Variants in DOCK4 observed in about 807,000 individuals in gnomAD.
DOCK4 encodes the protein dedicator of cytokinesis 4.
Under a neutral mutation model 268.1 loss-of-function variants are expected in DOCK4, and 97 were observed. The ratio of observed to expected loss-of-function variants is 0.36; its 90% CI spans 0.31 to 0.43. DOCK4 has a LOEUF of 0.43. DOCK4 is among the 20% of genes least tolerant of loss of function. The pLI is 1.00. For synonymous variants in DOCK4, 954 were observed against 887.2 expected, an observed-to-expected ratio of 1.08 and a Z score of -1.34; for missense variants, 2,145 against 2,455.7, an observed-to-expected ratio of 0.87 and a Z score of 2.67.
chr7:111,747,829 T>G (rs1796373348), intron 42 of DOCK4, among the ~76,000 whole-genome samples: 1 of 152,114 alleles, frequency 6.6e-6, no homozygotes, highest in African/African-American at 2.4e-5. Flanking sequence ...GCTTATTTGA[T>G]ACAAAGCACC....
At chr7:112,051,668 T>A (rs116465924) in intron 1 of DOCK4, among the ~76,000 whole-genome samples, 2 of 152,040 alleles carry the variant, frequency 1.3e-5, no homozygotes, top group Non-Finnish European at 2.9e-5. Flanking sequence ...GCTGCAAATA[T>A]ATTTTCAATA....
At chr7:111,820,592 A>C (rs1368650193) in intron 27 of DOCK4, 1 of 152,224 alleles carries the variant, frequency 6.6e-6, no homozygotes, top group Non-Finnish European at 1.5e-5. Context: ...AAGTCTTTAA[A>C]ACTGAAGTAA....
At chr7:112,161,250 A>G (rs1343290374) in intron 1 of DOCK4, among the ~76,000 whole-genome samples, 2 of 152,214 alleles carry the variant, frequency 1.3e-5, no homozygotes, top group African/African-American at 4.8e-5. Context: ...AAGTCTGTGG[A>G]CTTGTTTTAA....
rs372597651 is a variant in DOCK4, at chr7:111,778,280, A to C, written c.3675T>G (p.Phe1225Leu). 1.2e-5 allele frequency: 19 copies of C among 1,606,902 alleles called. No individual in the cohort carries two copies. Among genetic ancestry groups the C allele is most frequent in the Non-Finnish European group, 1.5e-5 (18 of 1,173,960 alleles). The change falls in exon 36 of 53, where the codon TTT (phenylalanine) becomes TTG (leucine). Residue 1225 changes from phenylalanine to leucine, a missense_variant. Physicochemically the swap from Phe to Leu is conservative, Grantham distance 22. This residue lies in a region of DOCK4 where 1,598 missense variants were observed against 1,986.7 expected (regional missense o/e 0.80). Coordinates refer to ENST00000428084, the MANE Select transcript of DOCK4 (RefSeq NM_001363540.2). ...LYDLHLKAQN[F>L]TEAAYTLLLY... ...TGAGCCAAAAGACAGAATTACCTGT[A>C]AAGTTCTGTGCTTTGAGATGCAGAT...
At chr7:111,854,240 G>A (rs899154583) in intron 23 of DOCK4, among the ~76,000 whole-genome samples, 1 of 152,194 alleles carries the variant, frequency 6.6e-6, no homozygotes, top group Non-Finnish European at 1.5e-5. Flanking sequence ...CCTGGGCCTG[G>A]TAGTTAAAGA....
chr7:111,741,686 C>G (rs765761389), intron 45 of DOCK4, 25 bp from the exon 46 acceptor site: 3 of 1,608,864 alleles, frequency 1.9e-6, no homozygotes, highest in Non-Finnish European at 2.5e-6. Context: ...AAGGAAATAT[C>G]TCATTACAGT....
At chr7:112,050,422 C>A (rs1446815867) in intron 1 of DOCK4, among the ~76,000 whole-genome samples, 1 of 152,120 alleles carries the variant, frequency 6.6e-6, no homozygotes, top group Admixed American at 6.6e-5. Context: ...ACTTGCCCAA[C>A]AACCTTTTTA....
chr7:111,824,469 C>T (rs962328056), intron 26 of DOCK4, among the ~76,000 whole-genome samples: 2 of 152,002 alleles, frequency 1.3e-5, no homozygotes, highest in African/African-American at 4.8e-5. Flanking sequence ...AGGAACAGTA[C>T]AAATAAATTC....
intron 28 of DOCK4, among the ~76,000 whole-genome samples, chr7:111,810,099 C>T (rs115530583): frequency 0.012 from 1,801 of 151,720 alleles, 35 homozygotes; most frequent in African/African-American, 0.041. Flanking sequence ...ATCTGTTATA[C>T]GTAAATAGCT....
chr7:111,962,855 T>C (rs1288108986), intron 8 of DOCK4, among the ~76,000 whole-genome samples: 1 of 152,226 alleles, frequency 6.6e-6, no homozygotes, highest in Non-Finnish European at 1.5e-5. Flanking sequence ...AAACCTCATC[T>C]GTACTTAATT....
chr7:111,842,157 C>T (rs1450841487), intron 25 of DOCK4, among the ~76,000 whole-genome samples: 3 of 152,144 alleles, frequency 2.0e-5, no homozygotes, highest in African/African-American at 7.2e-5. Context: ...AAAACCTGAA[C>T]ATCAAATATA....
At chr7:111,892,561 T>G (rs1808378718) in intron 16 of DOCK4, among the ~76,000 whole-genome samples, 2 of 152,218 alleles carry the variant, frequency 1.3e-5, no homozygotes, top group Admixed American at 1.3e-4. Context: ...AAGGTAGGAA[T>G]CCAGCTCTTC....
At chr7:111,874,000 G>A (rs1244172809) in intron 17 of DOCK4, among the ~76,000 whole-genome samples, 1 of 152,138 alleles carries the variant, frequency 6.6e-6, no homozygotes, top group South Asian at 2.1e-4. Context: ...TTTTAAAACT[G>A]ATTGGTTATA....
chr7:112,122,124 CTTTTTA>C lies in DOCK4; in HGVS notation c.37+83972_37+83977del, dbSNP rs1812786369. ...CCATTGCTAATAGATCTTACCCTGT[CTTTTTA>C]TTTTTAATTTTGGTGGGTCATTATG... On this transcript the variant is annotated intron_variant, in intron 1 of 52. Coordinates refer to ENST00000428084, the MANE Select transcript of DOCK4 (RefSeq NM_001363540.2). 2.0e-5 allele frequency among the ~76,000 whole-genome samples: 3 copies of C among 152,008 alleles called. No individual in the cohort carries two copies. The South Asian group carries it at 6.2e-4, about 31-fold the overall frequency.
intron 1 of DOCK4, among the ~76,000 whole-genome samples, chr7:112,013,862 C>T (rs1801577053): frequency 6.6e-6 from 1 of 152,116 alleles, no homozygotes; most frequent in Admixed American, 6.5e-5. Context: ...TGTACCCTAA[C>T]TCCACCACAC....
chr7:111,999,259 A>C (rs983561648), intron 3 of DOCK4, among the ~76,000 whole-genome samples: 4 of 152,174 alleles, frequency 2.6e-5, no homozygotes, highest in Admixed American at 2.0e-4. Context: ...TAAGAAAATA[A>C]ATGTCATTTG....
intron 1 of DOCK4, among the ~76,000 whole-genome samples, chr7:112,024,043 A>G (rs868353356): frequency 6.6e-6 from 1 of 152,232 alleles, no homozygotes; most frequent in Non-Finnish European, 1.5e-5. Context: ...GAAAATGTTT[A>G]TCATGTATAC....
At chr7:112,206,012 G>A (rs1263446197) in intron 1 of DOCK4, 90 bp downstream of exon 1, 9 of 1,432,148 alleles carry the variant, frequency 6.3e-6, no homozygotes, top group Admixed American at 4.0e-5. Context: ...TTTTCAACCG[G>A]GCGGAGCGAG....
At chr7:112,099,246 C>T (rs540440909) in intron 1 of DOCK4, among the ~76,000 whole-genome samples, 3 of 147,478 alleles carry the variant, frequency 2.0e-5, no homozygotes, top group East Asian at 2.0e-4. Flanking sequence ...GAGCTGAGTT[C>T]GTGCCATTGC....
Sources: allele counts gnomAD v4.1 joint callset (sites outside exome capture counted in the v4.1 genomes callset), GRCh38; gene constraint gnomAD v4.1.1; regional missense constraint gnomAD v4.1.1; transcripts MANE v1.5; gene names NCBI Gene and HGNC (gene_info 2026-07-23, HGNC 2026-07-21).